ITGA8: variants seen among roughly 807,000 people sequenced by gnomAD.
ITGA8 encodes the protein integrin subunit alpha 8.
Under a neutral mutation model 142.3 loss-of-function variants are expected in ITGA8, and 91 were observed. The ratio of observed to expected loss-of-function variants is 0.64; its 90% CI spans 0.54 to 0.76. The LOEUF is 0.76. ITGA8 is among the 30% of genes least tolerant of loss of function. The pLI is 0.00. For missense variants in ITGA8, 1,406 were observed against 1,327.7 expected (o/e 1.06, Z -0.92); for synonymous variants, 505 against 485.2 (o/e 1.04, Z -0.54).
intron 2 of ITGA8, among the ~76,000 whole-genome samples, chr10:15,700,844 T>A (rs562031196): frequency 6.6e-6 from 1 of 152,226 alleles, no homozygotes; most frequent in African/African-American, 2.4e-5. Flanking sequence ...ACTCTCCCAT[T>A]ACCCCTTTAC....
chr10:15,643,343 G>C (rs113222126), intron 13 of ITGA8, among the ~76,000 whole-genome samples: 81 of 152,236 alleles, frequency 5.3e-4, no homozygotes, highest in African/African-American at 1.8e-3. Flanking sequence ...TCAGTGGCTC[G>C]ATCTTGGCTC....
intron 13 of ITGA8, among the ~76,000 whole-genome samples, chr10:15,632,006 C>T (rs12414926): frequency 0.24 from 35,764 of 151,748 alleles, 4,981 homozygotes; most frequent in East Asian, 0.32. Flanking sequence ...TTGTATCTGG[C>T]GAGGGAAATT....
intron 8 of ITGA8, among the ~76,000 whole-genome samples, chr10:15,664,945 T>C (rs1031491285): frequency 6.6e-6 from 1 of 152,212 alleles, no homozygotes; most frequent in Non-Finnish European, 1.5e-5. Context: ...TTCCAAGTCT[T>C]TGCTATTGTG....
At chr10:15,712,577 G>C (rs1170086352) in intron 2 of ITGA8, among the ~76,000 whole-genome samples, 1 of 151,882 alleles carries the variant, frequency 6.6e-6, no homozygotes, top group African/African-American at 2.4e-5. Flanking sequence ...TTCCAGCCTG[G>C]GTGACAGAAC....
chr10:15,668,470 T>C (rs1315128960), intron 8 of ITGA8, among the ~76,000 whole-genome samples: 4 of 149,122 alleles, frequency 2.7e-5, no homozygotes, highest in Non-Finnish European at 6.0e-5. Context: ...TGACTCTTTA[T>C]GCGATTTGCC....
intron 19 of ITGA8, among the ~76,000 whole-genome samples, chr10:15,604,590 A>G (rs1387137495): frequency 6.6e-6 from 1 of 151,876 alleles, no homozygotes; most frequent in Non-Finnish European, 1.5e-5. Context: ...AAAAAAAAAA[A>G]AAAAAAAAAA....
intron 8 of ITGA8, among the ~76,000 whole-genome samples, chr10:15,661,798 C>G (rs913812122): frequency 2.6e-5 from 4 of 152,148 alleles, no homozygotes; most frequent in African/African-American, 9.6e-5. Context: ...GGGAAGCATG[C>G]TCTTGAATCA....
intron 11 of ITGA8, among the ~76,000 whole-genome samples, chr10:15,653,831 CTTTTTTTT>C (rs111283505): frequency 2.2e-4 from 29 of 130,038 alleles, no homozygotes; most frequent in Non-Finnish European, 5.1e-5. Flanking sequence ...TTTCTTTTTT[CTTTTTTTT>C]TTTTTTCTTG....
chr10:15,714,784 G>C (rs1835421064), intron 2 of ITGA8, among the ~76,000 whole-genome samples: 1 of 152,130 alleles, frequency 6.6e-6, no homozygotes, highest in African/African-American at 2.4e-5. Flanking sequence ...ACTGGACTCT[G>C]GGACTCAGTT....
chr10:15,538,528 A>C (rs1027344210), intron 27 of ITGA8, among the ~76,000 whole-genome samples: 1 of 136,354 alleles, frequency 7.3e-6, no homozygotes, highest in Non-Finnish European at 1.5e-5. Flanking sequence ...AAAAAAAAAA[A>C]AAACTATAGT....
chr10:15,528,844 A>G (rs931872884), intron 28 of ITGA8, among the ~76,000 whole-genome samples: 1 of 152,228 alleles, frequency 6.6e-6, no homozygotes, highest in East Asian at 1.9e-4. Flanking sequence ...ACTGGAAAGA[A>G]AAAGAGGTGG....
At chr10:15,654,896 A>G (rs1176739650) in intron 11 of ITGA8, among the ~76,000 whole-genome samples, 2 of 152,218 alleles carry the variant, frequency 1.3e-5, no homozygotes, top group Non-Finnish European at 2.9e-5. Flanking sequence ...TGTTTGGTCC[A>G]TGTTCAACTG....
At chr10:15,695,819 AGC>A (rs1835040222) in intron 2 of ITGA8, among the ~76,000 whole-genome samples, 1 of 152,210 alleles carries the variant, frequency 6.6e-6, no homozygotes, top group African/African-American at 2.4e-5. Context: ...TGTGGACATC[AGC>A]GGTGACAGAT....
intron 27 of ITGA8, among the ~76,000 whole-genome samples, chr10:15,532,461 C>G (rs1448528447): frequency 6.9e-6 from 1 of 144,186 alleles, no homozygotes; most frequent in Admixed American, 7.0e-5. Flanking sequence ...CTAGTTACAG[C>G]CAGTTGTCCC....
chr10:15,546,622 G>A (rs75752369), intron 27 of ITGA8, among the ~76,000 whole-genome samples: 8,376 of 151,946 alleles, frequency 0.055, 746 homozygotes, highest in African/African-American at 0.19. Context: ...GCAACACAGC[G>A]CGATCTGGTC....
chr10:15,628,683 G>A (rs1039763779), intron 13 of ITGA8, among the ~76,000 whole-genome samples: 7 of 151,702 alleles, frequency 4.6e-5, no homozygotes, highest in African/African-American at 1.5e-4. Flanking sequence ...CTTGGGGTCT[G>A]GATCAGGACC....
intron 13 of ITGA8, among the ~76,000 whole-genome samples, chr10:15,639,269 T>C (rs1833826833): frequency 6.6e-6 from 1 of 152,014 alleles, no homozygotes; most frequent in Non-Finnish European, 1.5e-5. Context: ...ATAAATGAAA[T>C]GCTAGGGCTT....
chr10:15,620,332 C>G (rs906235930), intron 13 of ITGA8, among the ~76,000 whole-genome samples: 1 of 143,882 alleles, frequency 7.0e-6, no homozygotes, highest in Non-Finnish European at 1.5e-5. Flanking sequence ...CACACACACA[C>G]ACGTTCCAGA....
Position 15,604,333 on chromosome 10 carries a change from C to CG in ITGA8, c.1992_1993insC (p.Gly665ArgfsTer3). ...ATGAGCATAAGGTGATTTTCATCTC[C>CG]AATGATTACCTGATGCTTATCTCTA... is the stretch of plus-strand genomic sequence containing the variant. On this transcript the variant is annotated frameshift_variant, in exon 20 of 30. Coordinates refer to ENST00000378076, the MANE Select transcript of ITGA8 (RefSeq NM_003638.3). LOFTEE classifies it high-confidence loss of function. 1 of 1,611,214 alleles carries CG rather than the reference C, an allele frequency of 6.2e-7. No individual in the cohort carries two copies. Among genetic ancestry groups the CG allele is most frequent in the South Asian group, 1.1e-5 (1 of 90,434 alleles).
Sources: gnomAD v4.1 joint callset for allele counts (sites outside exome capture counted in the v4.1 genomes callset) on GRCh38, gnomAD v4.1.1 for gene constraint, MANE v1.5 for transcripts, NCBI Gene and HGNC (gene_info 2026-07-23, HGNC 2026-07-21) for gene names.